Variants in CCDC88A observed in about 807,000 individuals in gnomAD.
CCDC88A encodes the protein girdin.
Under a neutral mutation model 234.3 loss-of-function variants are expected in CCDC88A, and 54 were observed. That is an observed-to-expected ratio of 0.23 (90% confidence interval 0.19 to 0.29). CCDC88A has a LOEUF of 0.29. Ranked by LOEUF, CCDC88A falls within the 10% of genes least tolerant of loss-of-function variation. CCDC88A has a pLI of 1.00. For synonymous variants in CCDC88A, 753 were observed against 737.8 expected (o/e 1.02, Z -0.33); for missense variants, 1,832 against 2,123.4 (o/e 0.86, Z 2.70).
chr2:55,362,348 T>C lies in CCDC88A; in HGVS notation c.587A>G (p.His196Arg), dbSNP rs1350692784. The change falls in exon 7 of 33, where the codon CAT (histidine) becomes CGT (arginine). Residue 196 changes from histidine to arginine, a missense_variant. Physicochemically the swap from His to Arg is conservative, Grantham distance 29. Coordinates refer to ENST00000436346, the MANE Select transcript of CCDC88A (RefSeq NM_001365480.1). ...IEPLLKNMAL[H>R]LKRLIDERDE... ...TCTCTCATCTATAAGTCTTTTTAGATGCAATGCCATATTTTTCAAGAGTGG... is the reference window on the plus strand; with the variant it reads ...TCTCTCATCTATAAGTCTTTTTAGACGCAATGCCATATTTTTCAAGAGTGG... 2 of 1,595,820 alleles carry C rather than the reference T, an allele frequency of 1.3e-6. No homozygotes were observed. Among genetic ancestry groups the C allele is most frequent in the Non-Finnish European group, 1.7e-6 (2 of 1,172,612 alleles).
intron 3 of CCDC88A, among the ~76,000 whole-genome samples, chr2:55,380,928 T>C (rs1049637363): frequency 6.6e-6 from 1 of 152,236 alleles, no homozygotes; most frequent in African/African-American, 2.4e-5. Context: ...CCACAGTTTT[T>C]AGTTGACCAT....
intron 3 of CCDC88A, among the ~76,000 whole-genome samples, chr2:55,385,810 A>C (rs947258479): frequency 8.0e-6 from 1 of 125,712 alleles, no homozygotes; most frequent in African/African-American, 2.9e-5. Context: ...CTGAAATTGC[A>C]CCATTGCACT....
intron 2 of CCDC88A, among the ~76,000 whole-genome samples, chr2:55,411,501 C>T (rs1370448584): frequency 2.6e-5 from 4 of 151,890 alleles, no homozygotes; most frequent in Non-Finnish European, 5.9e-5. Context: ...GGCCCAGGCA[C>T]GGTGGCTCAT....
chr2:55,401,194 C>T (rs1326936908), intron 2 of CCDC88A, among the ~76,000 whole-genome samples: 1 of 151,558 alleles, frequency 6.6e-6, no homozygotes, highest in Non-Finnish European at 1.5e-5. Context: ...CTTTGGGAGG[C>T]TGAGGCCAGA....
intron 21 of CCDC88A, chr2:55,316,734 C>A (rs1040349738): frequency 6.6e-6 from 1 of 152,044 alleles, no homozygotes; most frequent in Non-Finnish European, 1.5e-5. Context: ...GATCCTATCT[C>A]TCTCTCTCTT....
chr2:55,310,672 A>G (rs1682237544), intron 23 of CCDC88A, among the ~76,000 whole-genome samples: 1 of 152,196 alleles, frequency 6.6e-6, no homozygotes, highest in Admixed American at 6.5e-5. Context: ...GGTGGAGACT[A>G]GGAAGAACTA....
intron 16 of CCDC88A, among the ~76,000 whole-genome samples, chr2:55,330,410 T>C (rs958728964): frequency 2.0e-5 from 3 of 151,800 alleles, no homozygotes; most frequent in Non-Finnish European, 2.9e-5. Context: ...GAGGCGGAGG[T>C]TGCAGTGAGC....
intron 2 of CCDC88A, among the ~76,000 whole-genome samples, chr2:55,396,105 C>T (rs1677498667): frequency 6.6e-6 from 1 of 150,796 alleles, no homozygotes; most frequent in Non-Finnish European, 1.5e-5. Context: ...CTTTTTTAGT[C>T]AGTAAGTTAA....
At chr2:55,352,841 G>T (rs529713995) in intron 8 of CCDC88A, among the ~76,000 whole-genome samples, 33 of 152,146 alleles carry the variant, frequency 2.2e-4, no homozygotes, top group African/African-American at 7.2e-4. Flanking sequence ...CTTTCTGATT[G>T]TAATTACTTA....
rs572537545 is a variant in CCDC88A at position 55,293,066 on chromosome 2, T to A, written c.5552-1291A>T. Among the ~76,000 whole-genome samples, 7 of 151,788 alleles carry A rather than the reference T, an allele frequency of 4.6e-5. No individual in the cohort carries two copies. In the South Asian group the frequency reaches 8.3e-4, roughly 18 times the overall value. On this transcript the variant is annotated intron_variant, in intron 31 of 32. Transcript: ENST00000436346. ...AACATATAGCTTTTTGGGTAGGAAA[T>A]AGTTCTTTTCTGTAAGTCTAATTTT...
chr2:55,322,716 T>C (rs1198069291), intron 17 of CCDC88A, 24 bp from the exon 18 acceptor site: 2 of 1,297,742 alleles, frequency 1.5e-6, no homozygotes, highest in Non-Finnish European at 2.1e-6. Context: ...TAAAATATTT[T>C]AATGGGGAGA....
chr2:55,292,992 C>T (rs1679604332), intron 31 of CCDC88A: 2 of 141,934 alleles, frequency 1.4e-5, no homozygotes, highest in African/African-American at 2.5e-5. Context: ...ACATATTTCT[C>T]TTATATGCAC....
chr2:55,419,122 A>T lies in CCDC88A; in HGVS notation c.-43T>A. 1 of 1,181,442 alleles carries T rather than the reference A, an allele frequency of 8.5e-7. No individual in the cohort carries two copies. The highest frequency in any genetic ancestry group is 1.3e-6 in the Non-Finnish European group (1 of 793,534). The allele number at this position is 1,181,442 out of a possible 1,614,324, so 73.2% of individuals were successfully genotyped here. On this transcript the variant is annotated 5_prime_UTR_variant, in exon 1 of 33. Transcript: ENST00000436346. ...TGAAAAAAGGAACTACCACAAAAAT[A>T]CGCCTAGGGAATTGGTCACTAAACG...
chr2:55,408,659 T>C (rs1225544310), intron 2 of CCDC88A, among the ~76,000 whole-genome samples: 3 of 152,170 alleles, frequency 2.0e-5, no homozygotes. Context: ...TTGTTTGGCA[T>C]ATCATCAAGA....
intron 3 of CCDC88A, among the ~76,000 whole-genome samples, chr2:55,379,444 G>C (rs1225394635): frequency 6.6e-6 from 1 of 152,120 alleles, no homozygotes; most frequent in African/African-American, 2.4e-5. Flanking sequence ...AAAAGGTTTT[G>C]AGAAAATCAG....
chr2:55,388,912 A>T, intron 2 of CCDC88A, 26 bp from the exon 3 acceptor site: 1 of 747,872 alleles, frequency 1.3e-6, no homozygotes, highest in Non-Finnish European at 2.2e-6. Context: ...AAATACTTTA[A>T]AATTACATAA....
chr2:55,410,706 A>G (rs564799159), intron 2 of CCDC88A, among the ~76,000 whole-genome samples: 1 of 152,230 alleles, frequency 6.6e-6, no homozygotes, highest in East Asian at 1.9e-4. Context: ...CAACACAGCA[A>G]AACTCTGCCT....
At chr2:55,337,593 A>G (rs1667958410) in intron 13 of CCDC88A, 1 of 152,214 alleles carries the variant, frequency 6.6e-6, no homozygotes, top group Admixed American at 6.5e-5. Context: ...ATTAATGGAA[A>G]TAACTACACA....
At chr2:55,314,539 G>C (rs1574067971) in intron 22 of CCDC88A, 1 of 152,522 alleles carries the variant, frequency 6.6e-6, no homozygotes, top group East Asian at 1.9e-4. Flanking sequence ...CGAGTAGCTG[G>C]GATTACAGGC....
Sources: allele counts gnomAD v4.1 joint callset (sites outside exome capture counted in the v4.1 genomes callset), GRCh38; gene constraint gnomAD v4.1.1; transcripts MANE v1.5; gene names NCBI Gene and HGNC (gene_info 2026-07-23, HGNC 2026-07-21).